Variants in PTBP1 observed in about 807,000 individuals in gnomAD.
PTBP1 encodes polypyrimidine tract-binding protein 1.
A neutral mutation model predicts 59.8 loss-of-function variants in PTBP1; 8 were observed. The ratio of observed to expected loss-of-function variants is 0.13; its 90% confidence interval spans 0.08 to 0.24. The LOEUF (loss-of-function observed/expected upper bound fraction) is 0.24. Ranked by LOEUF, PTBP1 falls within the 10% of genes least tolerant of loss-of-function variation. The probability of loss-of-function intolerance (pLI) is 1.00; values close to 1 mark genes in which losing one functional copy is unlikely to be tolerated. For missense variants in PTBP1, 686 were observed against 767.0 expected, an observed-to-expected ratio of 0.89 and a Z score of 1.25; for synonymous variants, 490 against 320.7, an observed-to-expected ratio of 1.53 and a Z score of -5.64.
intron 9 of PTBP1, chr19:805,936 C>T (rs866259128): frequency 4.0e-5 from 12 of 300,830 alleles, no homozygotes; most frequent in Middle Eastern, 1.1e-3. Context: ...GCAGCATGAC[C>T]GGCGGCGGGA....
rs1388938420 is a variant in PTBP1 at position 808,472 on chromosome 19, C to A, written c.1246+20C>A. On this transcript the variant is annotated intron_variant, in intron 12 of 14. Transcript: ENST00000356948. The surrounding 1 kb of genome is among the most constrained non-coding windows in gnomAD (Gnocchi z 4.7). ...AGCTGGGTAAGAGGCCGGGGCGGCC[C>A]CGGGGTGGAGGGGGCAGGGGCGGGG... The A allele has an allele frequency of 6.3e-6, 10 of 1,579,080 alleles. No individual in the cohort carries two copies. Among genetic ancestry groups the A allele is most frequent in the Non-Finnish European group, 6.9e-6 (8 of 1,164,054 alleles).
At chr19:799,615 AGT>A (rs1482925136) in intron 2 of PTBP1, among the ~76,000 whole-genome samples, 172 bp downstream of exon 2, 1 of 152,242 alleles carries the variant, frequency 6.6e-6, no homozygotes, top group African/African-American at 2.4e-5. Context: ...CCCGGGCTCC[AGT>A]GCCCGTGAGT....
intron 8 of PTBP1, 109 bp from the exon 9 acceptor site, chr19:805,383 A>G: frequency 8.0e-7 from 1 of 1,256,260 alleles, no homozygotes; most frequent in Non-Finnish European, 1.1e-6. Context: ...CTGCCCGCGA[A>G]GGCTCTGCCG....
chr19:806,481 G>T lies in PTBP1; in HGVS notation c.1044G>T (p.Ala348=), dbSNP rs142679178. 22 of 1,589,334 alleles carry T rather than the reference G, an allele frequency of 1.4e-5. No individual in the cohort carries two copies. The highest frequency in any genetic ancestry group is 1.8e-5 in the Non-Finnish European group (21 of 1,169,376). Reference sequence around the variant, plus strand: ...CCTCGGCGGCGGCGGCAGCTGCGGCGGCAGGTCGGATCGCCATCCCGGGCC... The same window carrying T: ...CCTCGGCGGCGGCGGCAGCTGCGGCTGCAGGTCGGATCGCCATCCCGGGCC... ...AIPSAAAAAA[A]AGRIAIPGLA... is the part of the protein sequence containing the mutation. Residue 348 remains alanine (A), a synonymous_variant, in exon 10 of 15, where the codon GCG becomes GCT. Coordinates refer to ENST00000356948, the MANE Select transcript of PTBP1 (RefSeq NM_002819.5).
In PTBP1 at chr19:806,533, C is replaced by A. The variant is rs1389280415; in HGVS notation, c.1096C>A (p.Leu366Met). Residue 366 changes from leucine to methionine, a missense_variant, in exon 10 of 15, where the codon CTG (leucine) becomes ATG (methionine). Physicochemically the swap from Leu to Met is conservative, Grantham distance 15. Transcript: ENST00000356948. Reference protein sequence around the residue: ...GLAGAGNSVLLVSNLNPERVT... With the variant: ...GLAGAGNSVLMVSNLNPERVT... Reference sequence around the variant, plus strand: ...GGCGGGGGCAGGAAATTCTGTATTGCTGGTCAGCAACCTCAACCCAGAGGT... The same window carrying A: ...GGCGGGGGCAGGAAATTCTGTATTGATGGTCAGCAACCTCAACCCAGAGGT... The A allele has an allele frequency of 9.1e-6, 14 of 1,545,432 alleles. No homozygotes were observed. The highest frequency in any genetic ancestry group is 1.2e-5 in the Non-Finnish European group (14 of 1,147,820).
At chr19:807,973 TTA>T in intron 11 of PTBP1, 71 bp downstream of exon 11, 1 of 1,426,556 alleles carries the variant, frequency 7.0e-7, no homozygotes, top group Non-Finnish European at 9.9e-7. Context: ...CTGAGACGTA[TTA>T]TGAGTTTGCG....
At chr19:797,777 C>G (rs2034136888) in intron 1 of PTBP1, among the ~76,000 whole-genome samples, 1 of 148,474 alleles carries the variant, frequency 6.7e-6, no homozygotes, top group South Asian at 2.1e-4. Flanking sequence ...CCCTCCCCCT[C>G]CGCGCGCGTC....
chr19:800,130 G>A (rs1182800163), intron 2 of PTBP1, among the ~76,000 whole-genome samples: 1 of 151,050 alleles, frequency 6.6e-6, no homozygotes, highest in Non-Finnish European at 1.5e-5. Flanking sequence ...GGTAAAGATG[G>A]GGTTTCGAAC....
intron 2 of PTBP1, among the ~76,000 whole-genome samples, chr19:801,020 C>G (rs538892820): frequency 6.6e-6 from 1 of 151,706 alleles, no homozygotes; most frequent in Non-Finnish European, 1.5e-5. Flanking sequence ...ACCCCCCCTC[C>G]CCCCCACCAC....
chr19:810,489 C>G, intron 13 of PTBP1, 54 bp from the exon 14 acceptor site: 1 of 1,522,208 alleles, frequency 6.6e-7, no homozygotes, highest in Non-Finnish European at 9.0e-7. Flanking sequence ...GCGGACCTGA[C>G]TGGGCGCCCC....
intron 13 of PTBP1, among the ~76,000 whole-genome samples, chr19:810,104 C>G (rs949231186): frequency 6.6e-6 from 1 of 152,132 alleles, no homozygotes; most frequent in Non-Finnish European, 1.5e-5. Flanking sequence ...GTCAGGAGTT[C>G]AAGACCAACC....
chr19:804,229 CG>C, intron 4 of PTBP1, 21 bp downstream of exon 4: 1 of 1,607,486 alleles, frequency 6.2e-7, no homozygotes, highest in Non-Finnish European at 8.5e-7. Context: ...CGCGTTTCTC[CG>C]GGGTGCTCAC....
At position 810,549 on chromosome 19, in the gene PTBP1, A is replaced by G; in HGVS notation, c.1470A>G (p.Ser490=). Residue 490 remains serine (S), a synonymous_variant, in exon 14 of 15, where the codon TCA becomes TCG. Coordinates refer to ENST00000356948, the MANE Select transcript of PTBP1 (RefSeq NM_002819.5). ...ATLHLSNIPP[S]VSEEDLKVLF... ...CGCCTTTCTCCTCCCACAGGCCCTC[A>G]GTCTCCGAGGAGGATCTCAAGGTCC... is the stretch of plus-strand genomic sequence containing the variant. 6.2e-7 allele frequency: 1 copy of G among 1,613,162 alleles called. No homozygotes were observed. Among genetic ancestry groups the G allele is most frequent in the Non-Finnish European group, 8.5e-7 (1 of 1,179,706 alleles).
intron 2 of PTBP1, 45 bp from the exon 3 acceptor site, chr19:803,516 T>C: frequency 6.4e-7 from 1 of 1,560,816 alleles, no homozygotes; most frequent in Non-Finnish European, 8.8e-7. Context: ...AGGGAGGCTC[T>C]GGCCTGGTGG....
At position 807,874 on chromosome 19, in the gene PTBP1, C is replaced by T; in HGVS notation, c.1125C>T (p.Val375=). The T allele has an allele frequency of 6.2e-7, 1 of 1,613,620 alleles. No individual in the cohort carries two copies. The highest frequency in any genetic ancestry group is 8.5e-7 in the Non-Finnish European group (1 of 1,179,572). The change falls in exon 11 of 15, where the codon GTC becomes GTT. Residue 375 remains valine, a synonymous_variant. Transcript: ENST00000356948. ...TTGCTCTGCTGTCTCTAAAGAGAGT[C>T]ACACCCCAAAGCCTCTTTATTCTTT... ...LLVSNLNPER[V]TPQSLFILFG...
Position 810,736 on chromosome 19 carries a change from G to A in PTBP1, c.1584G>A (p.Glu528=). 6.2e-7 allele frequency: 1 copy of A among 1,609,272 alleles called. No homozygotes were observed. Among genetic ancestry groups the A allele is most frequent in the Non-Finnish European group, 8.5e-7 (1 of 1,178,604 alleles). ...CACTGATCCAGATGGGCTCCGTGGA[G>A]GAGGCGGTCCAGGCCCTCATTGACC... ...KMALIQMGSV[E]EAVQALIDLH... Residue 528 remains glutamate (E), a synonymous_variant, in exon 15 of 15, where the codon GAG becomes GAA. Transcript: ENST00000356948.
Position 811,063 on chromosome 19 carries a change from C to G in PTBP1, c.*237C>G. The G allele has an allele frequency of 2.2e-6, 1 of 451,436 alleles. No homozygotes were observed. The highest frequency in any genetic ancestry group is 4.1e-5 in the South Asian group (1 of 24,550). 28.0% of individuals were successfully genotyped at this position (451,436 alleles called of 1,614,324 possible). On this transcript the variant is annotated 3_prime_UTR_variant, in exon 15 of 15. Transcript: ENST00000356948. ...AGCGGGAGTTCCCGGCCCTCCACAC[C>G]CGGGGCCAGACCCTCGGGGCCATGC...
intron 2 of PTBP1, among the ~76,000 whole-genome samples, chr19:802,831 C>T (rs924664583): frequency 6.6e-6 from 1 of 152,178 alleles, no homozygotes; most frequent in Non-Finnish European, 1.5e-5. Context: ...AGAAGTTGAT[C>T]CAATTACATA....
intron 2 of PTBP1, among the ~76,000 whole-genome samples, chr19:800,658 C>T (rs545546852): frequency 3.0e-4 from 45 of 152,352 alleles, no homozygotes; most frequent in South Asian, 6.2e-4. Context: ...GCTGTCTTTA[C>T]GCGCTGCCTG....
Sources: gnomAD v4.1 joint callset for allele counts (sites outside exome capture counted in the v4.1 genomes callset) on GRCh38, gnomAD v4.1.1 for gene constraint, Gnocchi (gnomAD v3.1) non-coding constraint, MANE v1.5 for transcripts, NCBI Gene and HGNC (gene_info 2026-07-23, HGNC 2026-07-21) for gene names.